LYN: variants seen among roughly 807,000 people sequenced by gnomAD.
The protein encoded by LYN is tyrosine-protein kinase Lyn.
Under a neutral mutation model 65.0 loss-of-function variants are expected in LYN, and 12 were observed. The observed-to-expected ratio is 0.18, with a 90% CI of 0.12 to 0.30. The LOEUF (loss-of-function observed/expected upper bound fraction) is 0.30, where lower values mean the gene tolerates loss of function less well. Ranked by LOEUF, LYN falls within the 10% of genes least tolerant of loss-of-function variation. The pLI, the probability that LYN is intolerant of heterozygous loss-of-function variation, is 1.00. For missense variants in LYN, 380 were observed against 623.2 expected (o/e 0.61, Z 4.16); for synonymous variants, 222 against 221.2 (o/e 1.00, Z -0.03).
intron 8 of LYN, among the ~76,000 whole-genome samples, chr8:55,964,733 A>T (rs1807398912): frequency 6.6e-6 from 1 of 152,192 alleles, no homozygotes; most frequent in African/African-American, 2.4e-5. Context: ...AGAAGAGAAA[A>T]GAAAAGAGTA....
rs1808459294 is a variant in LYN, at chr8:55,999,477, A to G, written c.1264A>G (p.Ile422Val). 1 of 1,613,482 alleles carries G rather than the reference A, an allele frequency of 6.2e-7. No homozygotes were observed. The highest frequency in any genetic ancestry group is 2.2e-5 in the East Asian group (1 of 44,874). The change falls in exon 12 of 13, where the codon ATT becomes GTT. Residue 422 changes from isoleucine to valine, a missense_variant. Ile to Val is a conservative substitution (Grantham distance 29). Around this residue, in one of 2 missense-constraint regions of LYN, gnomAD observed 223 missense variants for 430.0 expected, o/e 0.52. Transcript: ENST00000519728. ...PEAINFGCFT[I>V]KSDVWSFGIL... ...AGCAATCAACTTTGGATGTTTCACT[A>G]TTAAGTCTGATGTGTGGTCCTTTGG...
At chr8:56,008,123 AAAAAAT>A (rs903439457) in intron 12 of LYN, among the ~76,000 whole-genome samples, 37 of 140,780 alleles carry the variant, frequency 2.6e-4, no homozygotes, top group African/African-American at 8.6e-4. Flanking sequence ...TGCCTCAAAA[AAAAAAT>A]AAAATAAAAT....
chr8:55,989,233 G>A (rs144849234), intron 10 of LYN, among the ~76,000 whole-genome samples: 38 of 152,348 alleles, frequency 2.5e-4, no homozygotes, highest in African/African-American at 8.2e-4. Flanking sequence ...TGAGAAAAGC[G>A]GGAAAGATGA....
intron 1 of LYN, among the ~76,000 whole-genome samples, chr8:55,937,723 T>G (rs934865921): frequency 2.0e-5 from 3 of 152,132 alleles, no homozygotes; most frequent in African/African-American, 7.2e-5. Flanking sequence ...GATGGAGTCT[T>G]GCTCTGTCAC....
In LYN at chr8:55,946,439, C is replaced by T; in HGVS notation, c.133-9C>T. The T allele has an allele frequency of 6.3e-7, 1 of 1,595,440 alleles. No homozygotes were observed. The highest frequency in any genetic ancestry group is 8.6e-7 in the Non-Finnish European group (1 of 1,164,150). On this transcript the variant is annotated splice_polypyrimidine_tract_variant and intron_variant, in intron 2 of 12. Transcript: ENST00000519728. ...AGAATTTTTTTTTCTAACAAATATT[C>T]TCTCGTAGGTTCCAGAATCTCAGCT...
intron 12 of LYN, 26 bp downstream of exon 12, chr8:55,999,575 T>A (rs748687250): frequency 1.2e-5 from 19 of 1,610,002 alleles, no homozygotes; most frequent in Non-Finnish European, 1.7e-6. Context: ...CTATTTACAA[T>A]CAAGCTGTAT....
intron 1 of LYN, among the ~76,000 whole-genome samples, chr8:55,901,370 T>C (rs980177831): frequency 1.3e-5 from 2 of 152,222 alleles, no homozygotes; most frequent in Admixed American, 6.5e-5. Flanking sequence ...ATGAAGTCAG[T>C]GTAAGTGATG....
At chr8:55,889,616 C>T (rs1368773629) in intron 1 of LYN, among the ~76,000 whole-genome samples, 1 of 152,144 alleles carries the variant, frequency 6.6e-6, no homozygotes, top group Non-Finnish European at 1.5e-5. Flanking sequence ...GTGCTCTGTT[C>T]TCTCTGGATT....
intron 8 of LYN, among the ~76,000 whole-genome samples, chr8:55,959,816 TA>T (rs996335754): frequency 2.1e-3 from 305 of 142,870 alleles, no homozygotes; most frequent in East Asian, 3.2e-3. Context: ...TATTTGGCAA[TA>T]AAAAAAAAAA....
chr8:55,919,847 C>T (rs1805894290), intron 1 of LYN, among the ~76,000 whole-genome samples: 1 of 142,000 alleles, frequency 7.0e-6, no homozygotes, highest in Non-Finnish European at 1.5e-5. Context: ...GCTCTCCAGG[C>T]AAAGACGCTG....
intron 10 of LYN, among the ~76,000 whole-genome samples, chr8:55,994,840 TATG>T (rs1216945323): frequency 1.3e-5 from 2 of 152,214 alleles, no homozygotes; most frequent in Non-Finnish European, 2.9e-5. Flanking sequence ...CAGAGTCAGC[TATG>T]ACCGCTCAAT....
Position 55,929,579 on chromosome 8 carries a change from A to C in LYN, c.-5-12276A>C, listed in dbSNP as rs1806201532. 2.6e-5 allele frequency among the ~76,000 whole-genome samples: 4 copies of C among 152,360 alleles called. No homozygotes were observed. The South Asian group carries it at 8.3e-4, about 32-fold the overall frequency. The stretch of plus-strand genomic sequence containing the variant: ...TAATTGAGTTATTACCAGCAATTAA[A>C]ACATCAGATTTCCTGGCATGAAGCT... On this transcript the variant is annotated intron_variant, in intron 1 of 12. Transcript: ENST00000519728.
intron 8 of LYN, among the ~76,000 whole-genome samples, chr8:55,959,523 T>C (rs2719268): frequency 0.21 from 31,502 of 152,100 alleles, 3,693 homozygotes; most frequent in Middle Eastern, 0.29. Flanking sequence ...ATATGTCACA[T>C]TAGTGCAAAG....
intron 10 of LYN, among the ~76,000 whole-genome samples, chr8:55,979,050 CTTT>C (rs11287133): frequency 1.2e-4 from 9 of 74,268 alleles, no homozygotes; most frequent in South Asian, 5.1e-4. Context: ...ACTTCTCATT[CTTT>C]TTTTTTTTTT....
chr8:55,918,059 G>C (rs542694630), intron 1 of LYN, among the ~76,000 whole-genome samples: 1 of 152,364 alleles, frequency 6.6e-6, no homozygotes, highest in South Asian at 2.1e-4. Flanking sequence ...AGGCTGCACT[G>C]AGAAGGAACC....
rs1245357591 is a variant in LYN, at chr8:56,009,999, G to A, written c.1428G>A (p.Met476Ile). Residue 476 changes from methionine (M) to isoleucine (I), a missense_variant, in exon 13 of 13, where the codon ATG becomes ATA. Transcript: ENST00000519728. ...ENCPDELYDI[M>I]KMCWKEKAEE... The stretch of plus-strand genomic sequence containing the variant: ...GCCCAGATGAGCTCTATGACATTAT[G>A]AAAATGTGCTGGAAAGAAAAGGCAG... 6.2e-7 allele frequency: 1 copy of A among 1,614,096 alleles called. No individual in the cohort carries two copies. Among genetic ancestry groups the A allele is most frequent in the East Asian group, 2.2e-5 (1 of 44,886 alleles).
intron 12 of LYN, among the ~76,000 whole-genome samples, chr8:56,006,542 C>T (rs1024709531): frequency 1.3e-5 from 2 of 152,206 alleles, no homozygotes; most frequent in African/African-American, 4.8e-5. Flanking sequence ...AACTTGTAGT[C>T]TCTGCTGATT....
chr8:55,966,330 AT>A (rs890646995), intron 8 of LYN, among the ~76,000 whole-genome samples: 1 of 151,338 alleles, frequency 6.6e-6, no homozygotes, highest in Non-Finnish European at 1.5e-5. Context: ...CTGTAATTAA[AT>A]TTTTTGCTAA....
chr8:55,891,915 G>A (rs1562818), intron 1 of LYN, among the ~76,000 whole-genome samples: 10,117 of 152,202 alleles, frequency 0.066, 579 homozygotes, highest in African/African-American at 0.16. Context: ...ACATGGCCAC[G>A]TGGATTGCTG....
Sources: gnomAD v4.1 joint callset for allele counts (sites outside exome capture counted in the v4.1 genomes callset) on GRCh38, gnomAD v4.1.1 for gene constraint, gnomAD v4.1.1 regional missense constraint, MANE v1.5 for transcripts, NCBI Gene and HGNC (gene_info 2026-07-23, HGNC 2026-07-21) for gene names.